Variants in HELZ observed in about 807,000 individuals in gnomAD.
HELZ encodes ATP-dependent RNA helicase with zinc finger domain.
In HELZ, 23 loss-of-function variants were observed where a neutral mutation model predicts 218.2. The observed-to-expected ratio is 0.11, with a 90% CI of 0.08 to 0.15. The LOEUF (loss-of-function observed/expected upper bound fraction) is 0.15. Ranked by LOEUF, HELZ falls within the 10% of genes least tolerant of loss-of-function variation. The pLI, the probability that HELZ is intolerant of heterozygous loss-of-function variation, is 1.00. For synonymous variants in HELZ, 814 were observed against 829.4 expected (o/e 0.98, Z 0.32); for missense variants, 1,813 against 2,353.7 (o/e 0.77, Z 4.75).
intron 5 of HELZ, among the ~76,000 whole-genome samples, chr17:67,205,634 T>TTAA (rs2040276961): frequency 6.6e-6 from 1 of 152,196 alleles, no homozygotes; most frequent in Non-Finnish European, 1.5e-5. Context: ...TGAAAAATGT[T>TTAA]TGCAGGAATG....
chr17:67,196,095 G>T (rs1014964948), intron 7 of HELZ, among the ~76,000 whole-genome samples: 1 of 151,838 alleles, frequency 6.6e-6, no homozygotes, highest in African/African-American at 2.4e-5. Flanking sequence ...CAGGTGATCC[G>T]CCCGCCTCGG....
chr17:67,129,622 T>C (rs2037914891), intron 23 of HELZ, among the ~76,000 whole-genome samples: 1 of 152,126 alleles, frequency 6.6e-6, no homozygotes, highest in South Asian at 2.1e-4. Flanking sequence ...AACTAAGTTA[T>C]AAGTGTTAAA....
In HELZ at chr17:67,078,105, C is replaced by A; in HGVS notation, c.*147G>T. On this transcript the variant is annotated 3_prime_UTR_variant, in exon 33 of 33. Coordinates refer to ENST00000358691, the MANE Select transcript of HELZ (RefSeq NM_014877.4). ...GAATATACTTTAAAAAAATTAGTTG[C>A]AAGTCTAGCAGCAAAGCAATTAAGT... The A allele has an allele frequency of 1.7e-6, 1 of 594,930 alleles. No homozygotes were observed. The allele number at this position is 594,930 out of a possible 1,614,324, so 36.9% of individuals were successfully genotyped here. A position where few individuals can be genotyped will look rare whatever the true frequency, so the allele number is the denominator to read the frequency against.
At chr17:67,240,908 A>G (rs1259516428) in intron 2 of HELZ, among the ~76,000 whole-genome samples, 1 of 152,242 alleles carries the variant, frequency 6.6e-6, no homozygotes, top group Non-Finnish European at 1.5e-5. Context: ...TAGTTATTAC[A>G]TGTATATATA....
rs1469483714 is a variant in HELZ at position 67,153,022 on chromosome 17, C to T, written c.2178-1798G>A. 2.0e-5 allele frequency among the ~76,000 whole-genome samples: 3 copies of T among 151,942 alleles called. 1 individual carries two copies. The highest frequency in any genetic ancestry group is 4.8e-5 in the African/African-American group (2 of 41,362). On this transcript the variant is annotated intron_variant, in intron 17 of 32. Coordinates refer to ENST00000358691, the MANE Select transcript of HELZ (RefSeq NM_014877.4). ...CAACAAGGAAACCAATATGATGAAC[C>T]TCAATATGATGGTTTTAGTGTAAAA...
intron 22 of HELZ, among the ~76,000 whole-genome samples, 158 bp from the exon 23 acceptor site, chr17:67,136,356 C>T (rs1247733263): frequency 6.6e-6 from 1 of 152,136 alleles, no homozygotes; most frequent in East Asian, 1.9e-4. Flanking sequence ...TGAGAATGTC[C>T]AATGGTACAG....
intron 5 of HELZ, 44 bp downstream of exon 5, chr17:67,215,855 A>C (rs547832473): frequency 1.5e-6 from 2 of 1,301,500 alleles, no homozygotes; most frequent in East Asian, 2.3e-5. Flanking sequence ...TCAAACCTTA[A>C]ACATTGTTCA....
chr17:67,085,552 A>AT (rs1406169426), intron 32 of HELZ, among the ~76,000 whole-genome samples: 2 of 90,974 alleles, frequency 2.2e-5, no homozygotes, highest in South Asian at 1.0e-3. Flanking sequence ...AAGCTTTTAA[A>AT]TGTTTTTTTT....
chr17:67,145,534 A>G (rs562050247), intron 21 of HELZ, among the ~76,000 whole-genome samples: 11 of 152,218 alleles, frequency 7.2e-5, no homozygotes, highest in Non-Finnish European at 1.3e-4. Flanking sequence ...ACCATAAGAC[A>G]AAATGTAAAT....
At chr17:67,203,483 T>G in intron 5 of HELZ, 40 bp from the exon 6 acceptor site, 1 of 1,605,574 alleles carries the variant, frequency 6.2e-7, no homozygotes, top group Non-Finnish European at 8.5e-7. Context: ...ATATGACATT[T>G]AATGCACATT....
intron 14 of HELZ, 131 bp downstream of exon 14, chr17:67,167,332 A>G: frequency 1.6e-6 from 1 of 634,392 alleles, no homozygotes; most frequent in Non-Finnish European, 2.8e-6. Flanking sequence ...GCAATTTTCA[A>G]CCCACCACTG....
chr17:67,120,355 CTT>C, intron 27 of HELZ, 48 bp downstream of exon 27: 2 of 1,466,310 alleles, frequency 1.4e-6, no homozygotes. Flanking sequence ...GTGGCTAAAA[CTT>C]TACCTGTCAT....
intron 28 of HELZ, among the ~76,000 whole-genome samples, chr17:67,113,122 T>C (rs998145213): frequency 2.0e-5 from 3 of 152,134 alleles, no homozygotes; most frequent in Non-Finnish European, 4.4e-5. Flanking sequence ...TTTAAAAAAA[T>C]ATATCAAGCA....
At position 67,107,586 on chromosome 17, in the gene HELZ, T is replaced by A. The variant is rs1401035066; in HGVS notation, c.4824A>T (p.Arg1608Ser). Residue 1608 changes from arginine (R) to serine (S), a missense_variant, in exon 31 of 33, where the codon AGA becomes AGT. Transcript: ENST00000358691. Reference protein sequence around the residue: ...PPPQSRLLQYRQVQSRSPPAV... With the variant: ...PPPQSRLLQYSQVQSRSPPAV... Reference sequence around the variant, plus strand: ...CTGGTGGGCTTCTACTCTGTACTTGTCTATATTGCAAAAGTCTTGATTGAG... The same window carrying A: ...CTGGTGGGCTTCTACTCTGTACTTGACTATATTGCAAAAGTCTTGATTGAG... 6.2e-7 allele frequency: 1 copy of A among 1,614,162 alleles called. No individual in the cohort carries two copies. Among genetic ancestry groups the A allele is most frequent in the Non-Finnish European group, 8.5e-7 (1 of 1,180,020 alleles).
chr17:67,182,316 G>A (rs988173425), intron 12 of HELZ, among the ~76,000 whole-genome samples: 20 of 152,152 alleles, frequency 1.3e-4, no homozygotes, highest in Admixed American at 1.1e-3. Context: ...ATGATAGCTC[G>A]TGCCTGTAGT....
At chr17:67,139,086 G>A (rs950180756) in intron 21 of HELZ, among the ~76,000 whole-genome samples, 2 of 151,830 alleles carry the variant, frequency 1.3e-5, no homozygotes, top group Non-Finnish European at 2.9e-5. Context: ...TTTACTAACA[G>A]TATCTATTTT....
At chr17:67,149,395 C>CAT (rs1408257990) in intron 19 of HELZ, among the ~76,000 whole-genome samples, 2 of 152,152 alleles carry the variant, frequency 1.3e-5, no homozygotes, top group Non-Finnish European at 2.9e-5. Context: ...CTCTTTCCTA[C>CAT]ATATAGATAT....
intron 7 of HELZ, 23 bp from the exon 8 acceptor site, chr17:67,195,493 AT>A: frequency 1.4e-6 from 2 of 1,480,690 alleles, no homozygotes; most frequent in South Asian, 1.1e-5. Flanking sequence ...AAATGAAAGA[AT>A]TTTTTAAACA....
rs768827511 is a variant in HELZ, at chr17:67,128,749, T to C, written c.3289A>G (p.Thr1097Ala). The C allele has an allele frequency of 3.7e-6, 6 of 1,614,106 alleles. No individual in the cohort carries two copies. The highest frequency in any genetic ancestry group is 3.3e-5 in the Admixed American group (2 of 60,018). The change falls in exon 24 of 33, where the codon ACA becomes GCA. Residue 1097 changes from threonine to alanine, a missense_variant. Thr to Ala is a moderately conservative substitution (Grantham distance 58, BLOSUM62 0). This residue lies in a region of HELZ where 156 missense variants were observed against 274.4 expected (regional missense o/e 0.57). Coordinates refer to ENST00000358691, the MANE Select transcript of HELZ (RefSeq NM_014877.4). ...GGTGCCAGCGGATTCAACACATATG[T>C]CTTCTTTAGTTCTAAAGCCTCTAAC... is the stretch of plus-strand genomic sequence containing the variant. ...AQLEALELKK[T>A]YVLNPLAPEF...
Sources: allele counts gnomAD v4.1 joint callset (sites outside exome capture counted in the v4.1 genomes callset), GRCh38; gene constraint gnomAD v4.1.1; regional missense constraint gnomAD v4.1.1; transcripts MANE v1.5; gene names NCBI Gene and HGNC (gene_info 2026-07-23, HGNC 2026-07-21).